DSC1: variants seen among roughly 807,000 people sequenced by gnomAD.
The protein encoded by DSC1 is desmocollin 1.
DSC1 carries 79 observed loss-of-function variants against 98.8 expected under a neutral mutation model. The ratio of observed to expected loss-of-function variants is 0.80; its 90% CI spans 0.67 to 0.96. The LOEUF (loss-of-function observed/expected upper bound fraction) is 0.96, where lower values mean the gene tolerates loss of function less well. Ranked by LOEUF, DSC1 falls within the 50% of genes least tolerant of loss-of-function variation. The pLI, the probability that DSC1 is intolerant of heterozygous loss-of-function variation, is 0.00. For synonymous variants in DSC1, 405 were observed against 372.1 expected (o/e 1.09, Z -1.02); for missense variants, 1,115 against 1,075.9 (o/e 1.04, Z -0.51).
intron 4 of DSC1, among the ~76,000 whole-genome samples, chr18:31,155,320 A>G (rs1989075055): frequency 6.6e-6 from 1 of 152,178 alleles, no homozygotes; most frequent in Non-Finnish European, 1.5e-5. Context: ...TTCTTCCACA[A>G]TTAATTCCTC....
rs1443090959 is a variant in DSC1, at chr18:31,129,460, C to T, written c.*1054G>A. 1.3e-5 allele frequency: 2 copies of T among 152,046 alleles called. No homozygotes were observed. Among genetic ancestry groups the T allele is most frequent in the Non-Finnish European group, 2.9e-5 (2 of 68,018 alleles). 9.4% of individuals were successfully genotyped at this position (152,046 alleles called of 1,614,324 possible). On this transcript the variant is annotated 3_prime_UTR_variant, in exon 16 of 16. Coordinates refer to ENST00000257198, the MANE Select transcript of DSC1 (RefSeq NM_024421.2). Reference sequence around the variant, plus strand: ...TATACATTCTAGTCCCTAATTCTGACTGCCCATTTTCTTAAAGTAACTGTA... The same window carrying T: ...TATACATTCTAGTCCCTAATTCTGATTGCCCATTTTCTTAAAGTAACTGTA...
intron 11 of DSC1, among the ~76,000 whole-genome samples, chr18:31,137,750 A>G (rs1013849171): frequency 6.6e-6 from 1 of 152,126 alleles, no homozygotes; most frequent in African/African-American, 2.4e-5. Flanking sequence ...AAACCTTGTC[A>G]TTGCCATTTA....
intron 14 of DSC1, 41 bp downstream of exon 14, chr18:31,132,521 ATCATTT>A: frequency 6.2e-7 from 1 of 1,603,992 alleles, no homozygotes; most frequent in Non-Finnish European, 8.5e-7. Context: ...ATAATCTGTC[ATCATTT>A]GTTCACCGTA....
rs1240701373 is a variant in DSC1 at position 31,157,423 on chromosome 18, T to C, written c.299A>G (p.Gln100Arg). The C allele has an allele frequency of 1.2e-6, 2 of 1,614,136 alleles. No individual in the cohort carries two copies. Among genetic ancestry groups the C allele is most frequent in the Non-Finnish European group, 1.7e-6 (2 of 1,180,052 alleles). Residue 100 changes from glutamine (Q) to arginine (R), a missense_variant, in exon 3 of 16, where the codon CAG becomes CGG. By Grantham distance (43) the Gln-to-Arg change is conservative. Coordinates refer to ENST00000257198, the MANE Select transcript of DSC1 (RefSeq NM_024421.2). The stretch of plus-strand genomic sequence containing the variant: ...TTTTATCTCTTGTTGTTCCCGTCTC[T>C]GACCATCTGAAAGGAAAATGGAAAA... ...KSFSIFLSDGQRREQQEIKVV... is the reference protein window; with the variant it reads ...KSFSIFLSDGRRREQQEIKVV...
intron 4 of DSC1, among the ~76,000 whole-genome samples, chr18:31,155,183 G>A (rs1355317012): frequency 6.6e-6 from 1 of 152,144 alleles, no homozygotes; most frequent in Non-Finnish European, 1.5e-5. Context: ...AACATGTAGA[G>A]TAATACACTT....
rs754682991 is a variant in DSC1 at position 31,134,030 on chromosome 18, C to G, written c.1977G>C (p.Met659Ile). The G allele has an allele frequency of 6.2e-7, 1 of 1,613,028 alleles. No individual in the cohort carries two copies. The highest frequency in any genetic ancestry group is 8.5e-7 in the Non-Finnish European group (1 of 1,179,628). ...AACAGTCACATACTCTCACTGTTAACATATGTGTTGCAACTAAACCATGCC... is the reference window on the plus strand; with the variant it reads ...AACAGTCACATACTCTCACTGTTAAGATATGTGTTGCAACTAAACCATGCC... The part of the protein sequence containing the change: ...KDRHGLVATH[M>I]LTVRVCDCST... The change falls in exon 13 of 16, where the codon ATG becomes ATC. Residue 659 changes from methionine to isoleucine, a missense_variant. Physicochemically the swap from Met to Ile is conservative, Grantham distance 10. Transcript: ENST00000257198.
intron 2 of DSC1, among the ~76,000 whole-genome samples, chr18:31,157,896 T>G (rs917000363): frequency 1.3e-5 from 2 of 152,200 alleles, no homozygotes; most frequent in East Asian, 3.8e-4. Context: ...CAAACTTGAT[T>G]TTTTATGTCA....
chr18:31,149,289 T>C (rs1004531610), intron 5 of DSC1, among the ~76,000 whole-genome samples: 3 of 152,224 alleles, frequency 2.0e-5, no homozygotes, highest in Non-Finnish European at 4.4e-5. Context: ...TGAATGGATT[T>C]TCATCCCTCA....
Position 31,130,556 on chromosome 18 carries a change from T to G in DSC1, c.2643A>C (p.Glu881Asp), listed in dbSNP as rs766599740. 1.2e-6 allele frequency: 2 copies of G among 1,614,162 alleles called. No homozygotes were observed. Among genetic ancestry groups the G allele is most frequent in the South Asian group, 2.2e-5 (2 of 91,086 alleles). Residue 881 changes from glutamate (E) to aspartate (D), a missense_variant, in exon 16 of 16, where the codon GAA becomes GAC. Coordinates refer to ENST00000257198, the MANE Select transcript of DSC1 (RefSeq NM_024421.2). ...TCTTTGCTAATGTCCTAAATTTGGG[T>G]TCCAGGTGATCTAGAAACTCCAGTC... ...EEGLEFLDHL[E>D]PKFRTLAKTC... is the part of the protein sequence containing the mutation.
At chr18:31,131,970 A>T in intron 14 of DSC1, 128 bp from the exon 15 acceptor site, 1 of 1,103,320 alleles carries the variant, frequency 9.1e-7, no homozygotes, top group Non-Finnish European at 1.3e-6. Flanking sequence ...ATAAAATCAG[A>T]ATAATAGTAT....
chr18:31,141,125 G>A (rs956992856), intron 9 of DSC1, among the ~76,000 whole-genome samples: 5 of 151,864 alleles, frequency 3.3e-5, no homozygotes, highest in Admixed American at 1.3e-4. Context: ...TCCCAGTTTC[G>A]GATATGTCTT....
chr18:31,154,420 A>G (rs1263438410), intron 5 of DSC1, among the ~76,000 whole-genome samples: 1 of 152,166 alleles, frequency 6.6e-6, no homozygotes. Flanking sequence ...TTTTTTTTCA[A>G]GTTCTCACAT....
chr18:31,154,441 G>A (rs532733396), intron 5 of DSC1, among the ~76,000 whole-genome samples: 46 of 151,900 alleles, frequency 3.0e-4, no homozygotes, highest in Admixed American at 7.2e-4. Context: ...GACTTATAAT[G>A]TACAGCCATG....
intron 3 of DSC1, among the ~76,000 whole-genome samples, chr18:31,156,969 A>G (rs1183412057): frequency 1.3e-5 from 2 of 152,166 alleles, no homozygotes; most frequent in African/African-American, 2.4e-5. Flanking sequence ...CTCCTCTTTA[A>G]AGAGAGACTC....
In DSC1 at chr18:31,130,643, A is replaced by G. The variant is rs1988466410; in HGVS notation, c.2556T>C (p.Tyr852=). 1.2e-6 allele frequency: 2 copies of G among 1,614,172 alleles called. No homozygotes were observed. Among genetic ancestry groups the G allele is most frequent in the East Asian group, 4.5e-5 (2 of 44,880 alleles). ...HCEDYVCSYN[Y]EGKGSLAGSV... is the part of the protein sequence containing the mutation. ...AGCCGGCCAGAGAACCTTTGCCTTCATAGTTATACGAACAAACGTAGTCTT... is the reference window on the plus strand; with the variant it reads ...AGCCGGCCAGAGAACCTTTGCCTTCGTAGTTATACGAACAAACGTAGTCTT... Residue 852 remains tyrosine, a synonymous_variant, in exon 16 of 16, where the codon TAT becomes TAC. Transcript: ENST00000257198.
rs1465857603 is a variant in DSC1, at chr18:31,148,500, G to C, written c.770C>G (p.Ser257Cys). 3 of 1,593,810 alleles carry C rather than the reference G, an allele frequency of 1.9e-6. No individual in the cohort carries two copies. The highest frequency in any genetic ancestry group is 2.7e-5 in the African/African-American group (2 of 74,646). ...GCTACAATAAAATGTGAACTTACCG[G>C]ATCGGCAATTTTCAGGCACAGTAAA... ...TIFTVPENCR[S>C]GTSVGKVTAT... The change falls in exon 6 of 16, where the codon TCC (serine) becomes TGC (cysteine). Residue 257 changes from serine (S) to cysteine (C), a missense_variant and splice_region_variant. Physicochemically the swap from Ser to Cys is moderately radical, Grantham distance 112. Transcript: ENST00000257198.
At chr18:31,153,379 A>C (rs1406415372) in intron 5 of DSC1, among the ~76,000 whole-genome samples, 2 of 152,194 alleles carry the variant, frequency 1.3e-5, no homozygotes, top group Non-Finnish European at 2.9e-5. Flanking sequence ...GAAAGATCAA[A>C]GTGATTGCAA....
chr18:31,149,585 C>T (rs1042536569), intron 5 of DSC1, among the ~76,000 whole-genome samples: 5 of 152,194 alleles, frequency 3.3e-5, no homozygotes, highest in South Asian at 2.1e-4. Flanking sequence ...AACTTTGCTG[C>T]AGTTGTTCTG....
rs190651945 is a variant in DSC1, at chr18:31,147,682, A to C, written c.772+816T>G. Among the ~76,000 whole-genome samples the C allele has an allele frequency of 5.1e-3, 776 of 152,238 alleles. 21 individuals are homozygous for C. Among genetic ancestry groups the C allele is most frequent in the Admixed American group, 0.047 (720 of 15,290 alleles). Reference sequence around the variant, plus strand: ...CAAAGCTAGGCTAAAATGAAAGCTAATACCCAACAGTCATTTAATAAAGAG... The same window carrying C: ...CAAAGCTAGGCTAAAATGAAAGCTACTACCCAACAGTCATTTAATAAAGAG... On this transcript the variant is annotated intron_variant, in intron 6 of 15. Coordinates refer to ENST00000257198, the MANE Select transcript of DSC1 (RefSeq NM_024421.2).
Sources: allele counts gnomAD v4.1 joint callset (sites outside exome capture counted in the v4.1 genomes callset), GRCh38; gene constraint gnomAD v4.1.1; transcripts MANE v1.5; gene names NCBI Gene and HGNC (gene_info 2026-07-23, HGNC 2026-07-21).